Variants in OR2L13 observed in about 807,000 individuals in gnomAD.
OR2L13 encodes olfactory receptor 2L13.
A neutral mutation model predicts 15.3 loss-of-function variants in OR2L13; 14 were observed. That is an observed-to-expected ratio of 0.91 (90% CI 0.60 to 1.43). OR2L13 has a LOEUF of 1.43. OR2L13 is among the 40% of genes most tolerant of loss of function. The probability of loss-of-function intolerance (pLI) is 0.00; values close to 1 mark genes in which losing one functional copy is unlikely to be tolerated. For missense variants in OR2L13, 367 were observed against 387.9 expected, an observed-to-expected ratio of 0.95 and a Z score of 0.45; for synonymous variants, 152 against 142.9, an observed-to-expected ratio of 1.06 and a Z score of -0.45.
chr1:248,054,230 CTTGT>C, the OR2L13 span, among the ~76,000 whole-genome samples: 7 of 152,224 alleles, frequency 4.6e-5, no homozygotes, highest in African/African-American at 1.7e-4. Context: ...TTCCCCGTTG[CTTGT>C]TTTTTTCCAG....
At chr1:247,956,772 T>C in the OR2L13 span, among the ~76,000 whole-genome samples, 2 of 152,306 alleles carry the variant, frequency 1.3e-5, no homozygotes, top group East Asian at 1.9e-4. Context: ...GAAGAATGCT[T>C]GTGATTTTTG....
the OR2L13 span, among the ~76,000 whole-genome samples, chr1:248,085,312 A>G: frequency 6.6e-6 from 1 of 151,588 alleles, no homozygotes; most frequent in Non-Finnish European, 1.5e-5. Context: ...ATCTCAAAAA[A>G]TCACTACTGT....
chr1:248,051,746 G>A, the OR2L13 span, among the ~76,000 whole-genome samples: 1 of 151,650 alleles, frequency 6.6e-6, no homozygotes, highest in African/African-American at 2.4e-5. Flanking sequence ...ATCCAAAAAT[G>A]TCTGTTCAAG....
chr1:248,013,823 A>C, the OR2L13 span: 2 of 152,208 alleles, frequency 1.3e-5, no homozygotes, highest in African/African-American at 4.8e-5. Flanking sequence ...ACTTTATTTC[A>C]GAAATCGAAC....
the OR2L13 span, among the ~76,000 whole-genome samples, chr1:248,047,113 G>T: frequency 6.6e-6 from 1 of 152,048 alleles, no homozygotes; most frequent in African/African-American, 2.4e-5. Context: ...GGTAAATGAT[G>T]GTCAATTGAA....
At chr1:248,033,543 C>T in the OR2L13 span, among the ~76,000 whole-genome samples, 1 of 151,788 alleles carries the variant, frequency 6.6e-6, no homozygotes, top group Admixed American at 6.6e-5. Flanking sequence ...CTCAAGCAAC[C>T]CTCCCATCTC....
the OR2L13 span, among the ~76,000 whole-genome samples, chr1:248,027,604 A>G: frequency 6.6e-6 from 1 of 152,102 alleles, no homozygotes; most frequent in Non-Finnish European, 1.5e-5. Flanking sequence ...TATTTCTCAG[A>G]CCAGCGGACA....
chr1:248,072,509 A>G, the OR2L13 span, among the ~76,000 whole-genome samples: 2 of 152,284 alleles, frequency 1.3e-5, no homozygotes, highest in East Asian at 3.9e-4. Flanking sequence ...CGTTAGACCT[A>G]AAACCATAAA....
the OR2L13 span, among the ~76,000 whole-genome samples, chr1:248,064,842 G>A: frequency 6.6e-6 from 1 of 152,158 alleles, no homozygotes; most frequent in African/African-American, 2.4e-5. Context: ...TGTGAATGGA[G>A]ATAAAGAGGT....
At chr1:247,977,960 G>C in the OR2L13 span, among the ~76,000 whole-genome samples, 5,958 of 152,098 alleles carry the variant, frequency 0.039, 361 homozygotes, top group African/African-American at 0.14. Context: ...CCTTAAAAAC[G>C]TCATCTCCAA....
chr1:248,052,588 G>A, the OR2L13 span, among the ~76,000 whole-genome samples: 2 of 152,060 alleles, frequency 1.3e-5, no homozygotes, highest in Admixed American at 6.6e-5. Flanking sequence ...AAAATTAGCT[G>A]GGCGTGGTGG....
the OR2L13 span, among the ~76,000 whole-genome samples, chr1:248,073,687 A>G: frequency 6.6e-6 from 1 of 151,548 alleles, no homozygotes; most frequent in Non-Finnish European, 1.5e-5. Flanking sequence ...AGAAGCATGG[A>G]TGTTAGCTTG....
chr1:248,070,291 C>T, the OR2L13 span, among the ~76,000 whole-genome samples: 2 of 151,966 alleles, frequency 1.3e-5, no homozygotes, highest in African/African-American at 2.4e-5. Context: ...GACCACAGTG[C>T]AATCAAACTA....
the OR2L13 span, among the ~76,000 whole-genome samples, chr1:248,089,263 A>C: frequency 6.6e-6 from 1 of 152,150 alleles, no homozygotes; most frequent in Non-Finnish European, 1.5e-5. Context: ...AAGCTCCGGA[A>C]GGGTCCCAAG....
chr1:248,069,315 A>G, the OR2L13 span, among the ~76,000 whole-genome samples: 1 of 152,358 alleles, frequency 6.6e-6, no homozygotes, highest in African/African-American at 2.4e-5. Flanking sequence ...GTGGGGGCCA[A>G]TATTCAACAT....
the OR2L13 span, among the ~76,000 whole-genome samples, chr1:248,001,162 C>G: frequency 1.8e-4 from 28 of 152,100 alleles, no homozygotes; most frequent in African/African-American, 6.3e-4. Context: ...TACTGAAAAT[C>G]TCTGAATCTC....
the OR2L13 span, among the ~76,000 whole-genome samples, chr1:248,072,663 A>G: frequency 1.3e-5 from 2 of 152,168 alleles, no homozygotes; most frequent in African/African-American, 4.8e-5. Context: ...TGCACAGCAA[A>G]AGAAACTACC....
At chr1:248,021,615 A>G in the OR2L13 span, among the ~76,000 whole-genome samples, 1 of 152,200 alleles carries the variant, frequency 6.6e-6, no homozygotes, top group African/African-American at 2.4e-5. Flanking sequence ...GCATTTTGTC[A>G]TCACAAGAAA....
At chr1:248,071,775 A>T in the OR2L13 span, among the ~76,000 whole-genome samples, 3 of 149,030 alleles carry the variant, frequency 2.0e-5, no homozygotes, top group Non-Finnish European at 4.5e-5. Context: ...CAACTTCAGC[A>T]AAGTCTCAGG....
Sources: allele counts gnomAD v4.1 joint callset (sites outside exome capture counted in the v4.1 genomes callset), GRCh38; gene constraint gnomAD v4.1.1; transcripts MANE v1.5; gene names NCBI Gene and HGNC (gene_info 2026-07-23, HGNC 2026-07-21).